Variants in AP2A2 observed in about 807,000 individuals in gnomAD.
AP2A2 encodes adaptor related protein complex 2 subunit alpha 2.
In AP2A2, 32 loss-of-function variants were observed where a neutral mutation model predicts 104.2. That is an observed-to-expected ratio of 0.31 (90% confidence interval 0.23 to 0.41). The LOEUF (loss-of-function observed/expected upper bound fraction) is 0.41, where lower values mean the gene tolerates loss of function less well. Ranked by LOEUF, AP2A2 falls within the 10% of genes least tolerant of loss-of-function variation. The pLI, the probability that AP2A2 is intolerant of heterozygous loss-of-function variation, is 1.00. For missense variants in AP2A2, 912 were observed against 1,261.0 expected (o/e 0.72, Z 4.19); for synonymous variants, 539 against 533.3 (o/e 1.01, Z -0.15).
rs919309819 is a variant in AP2A2, at chr11:1,009,295, G to C, written c.2538-33G>C. 3 of 1,611,466 alleles carry C rather than the reference G, an allele frequency of 1.9e-6. No homozygotes were observed. The African/African-American group carries it at 4.0e-5, about 22-fold the overall frequency. On this transcript the variant is annotated intron_variant, in intron 19 of 21. Transcript: ENST00000448903. ...AAGGTGGGTTTTGGTCTCTGGCCTG[G>C]CTGAGAACACTCGCCTTTGCTGTTT...
At chr11:989,038 A>G (rs1855557911) in intron 10 of AP2A2, among the ~76,000 whole-genome samples, 1 of 152,124 alleles carries the variant, frequency 6.6e-6, no homozygotes, top group Admixed American at 6.5e-5. Context: ...GGTCTTGAAA[A>G]TAACTATTGG....
chr11:986,662 G>A, intron 8 of AP2A2, 123 bp from the exon 9 acceptor site: 1 of 1,206,364 alleles, frequency 8.3e-7, no homozygotes, highest in Non-Finnish European at 1.2e-6. Context: ...GAGCAGTGTG[G>A]TGGCGGTGAG....
chr11:988,716 C>T (rs1334025089), intron 10 of AP2A2, 27 bp downstream of exon 10: 1 of 1,611,928 alleles, frequency 6.2e-7, no homozygotes, highest in Non-Finnish European at 8.5e-7. Context: ...TCTGAGTCCT[C>T]TCCTGCCACA....
At chr11:977,305 T>C in intron 5 of AP2A2, 81 bp downstream of exon 5, 1 of 1,495,974 alleles carries the variant, frequency 6.7e-7, no homozygotes, top group South Asian at 1.3e-5. Flanking sequence ...ATGGTGCGCC[T>C]TCTCGGGATG....
In AP2A2 at chr11:984,580, C is replaced by G; in HGVS notation, c.706-65C>G. 1.4e-5 allele frequency: 19 copies of G among 1,366,216 alleles called. No homozygotes were observed. The South Asian group carries it at 1.6e-4, about 12-fold the overall frequency. 84.6% of individuals were successfully genotyped at this position (1,366,216 alleles called of 1,614,324 possible). ...GACCCGAGGAGTGAGTATGGCTTTT[C>G]TTTGGGTCCCCGCAGTAGGGGCTCG... On this transcript the variant is annotated intron_variant, in intron 6 of 21. Transcript: ENST00000448903.
intron 4 of AP2A2, among the ~76,000 whole-genome samples, chr11:976,168 G>A (rs1226081334): frequency 6.6e-6 from 1 of 152,200 alleles, no homozygotes; most frequent in African/African-American, 2.4e-5. Context: ...GTGTGTGTGC[G>A]GTTGCTGCTC....
intron 14 of AP2A2, chr11:995,381 G>A: frequency 2.2e-6 from 1 of 455,894 alleles, no homozygotes; most frequent in South Asian, 1.5e-5. Flanking sequence ...GCTTGGCTCT[G>A]CTTGCCAGCT....
intron 2 of AP2A2, among the ~76,000 whole-genome samples, chr11:962,210 A>G (rs1471582174): frequency 1.3e-5 from 2 of 152,240 alleles, no homozygotes; most frequent in Non-Finnish European, 2.9e-5. Flanking sequence ...CCTTCACTGA[A>G]TGGGATCTGC....
At chr11:995,224 C>T (rs1007358863) in intron 14 of AP2A2, among the ~76,000 whole-genome samples, 5 of 152,238 alleles carry the variant, frequency 3.3e-5, no homozygotes, top group Admixed American at 2.0e-4. Context: ...GAGGACCTGT[C>T]CTGCCCTGCT....
At chr11:929,859 C>T (rs1196845857) in intron 1 of AP2A2, among the ~76,000 whole-genome samples, 6 of 152,146 alleles carry the variant, frequency 3.9e-5, no homozygotes, top group South Asian at 2.1e-4. Flanking sequence ...CGGTGGCTCA[C>T]GCTTGTAATC....
Position 926,671 on chromosome 11 carries a change from T to C in AP2A2, c.67+583T>C, listed in dbSNP as rs548451229. ...GCTTTGTGACCTGGGTTCTGGAGGC[T>C]TATTAACCCCTGATTAGATCTCACC... On this transcript the variant is annotated intron_variant, in intron 1 of 21. Transcript: ENST00000448903. Among the ~76,000 whole-genome samples, 18 of 152,310 alleles carry C rather than the reference T, an allele frequency of 1.2e-4. No individual in the cohort carries two copies. In the South Asian group the frequency reaches 3.3e-3, roughly 28 times the overall value.
At position 994,020 on chromosome 11, in the gene AP2A2, G is replaced by A. The variant is rs750790874; in HGVS notation, c.1782+35G>A. On this transcript the variant is annotated intron_variant, in intron 13 of 21. Transcript: ENST00000448903. ...CCCCGCCCTTCGGGCTGGCTTGGCT[G>A]AGGGTTGGAGGCCAGGAGCTCTGAC... is the stretch of plus-strand genomic sequence containing the variant. 3 of 1,609,096 alleles carry A rather than the reference G, an allele frequency of 1.9e-6. No homozygotes were observed. The Admixed American group carries it at 5.0e-5, about 27-fold the overall frequency.
rs1165794220 is a variant in AP2A2, at chr11:1,008,125, A to G, written c.2410A>G (p.Ile804Val). ...SDFTEAPVLN[I>V]QFRYGGTFQN... ...CTTCACGGAGGCGCCAGTCCTCAACATTCAGTTCAGGTAAGAGCCGCCTGT... is the reference window on the plus strand; with the variant it reads ...CTTCACGGAGGCGCCAGTCCTCAACGTTCAGTTCAGGTAAGAGCCGCCTGT... Residue 804 changes from isoleucine (I) to valine (V), a missense_variant, in exon 18 of 22, where the codon ATT becomes GTT. By Grantham distance (29) the Ile-to-Val change is conservative. This residue lies in a region of AP2A2 where 239 missense variants were observed against 329.8 expected (regional missense o/e 0.72). Coordinates refer to ENST00000448903, the MANE Select transcript of AP2A2 (RefSeq NM_012305.4). 1 of 1,607,038 alleles carries G rather than the reference A, an allele frequency of 6.2e-7. No individual in the cohort carries two copies. Among genetic ancestry groups the G allele is most frequent in the East Asian group, 2.2e-5 (1 of 44,634 alleles).
intron 1 of AP2A2, among the ~76,000 whole-genome samples, chr11:939,519 A>G (rs1036318840): frequency 1.3e-5 from 2 of 151,438 alleles, no homozygotes; most frequent in African/African-American, 4.9e-5. Flanking sequence ...ATCTCGGCTC[A>G]CTGCAACCTC....
At chr11:1,000,031 C>T (rs948332348) in intron 14 of AP2A2, among the ~76,000 whole-genome samples, 1 of 152,042 alleles carries the variant, frequency 6.6e-6, no homozygotes, top group Non-Finnish European at 1.5e-5. Flanking sequence ...TGGTCTCGAT[C>T]TCCTGACCTC....
At chr11:982,953 G>T (rs370881150) in intron 6 of AP2A2, among the ~76,000 whole-genome samples, 43 of 151,292 alleles carry the variant, frequency 2.8e-4, no homozygotes, top group African/African-American at 9.7e-4. Flanking sequence ...GCCTGGCTGT[G>T]AAACTTTCTA....
intron 1 of AP2A2, among the ~76,000 whole-genome samples, chr11:933,853 T>A (rs1312108667): frequency 6.6e-6 from 1 of 152,174 alleles, no homozygotes; most frequent in African/African-American, 2.4e-5. Context: ...GGAACTTGTA[T>A]CTTCTGTTCA....
At chr11:982,942 C>T (rs1333134164) in intron 6 of AP2A2, among the ~76,000 whole-genome samples, 5 of 151,326 alleles carry the variant, frequency 3.3e-5, no homozygotes, top group Admixed American at 1.3e-4. Flanking sequence ...TGAGCCCCTG[C>T]GCCTGGCTGT....
intron 1 of AP2A2, chr11:942,331 T>C (rs1274864447): frequency 6.6e-6 from 1 of 152,252 alleles, no homozygotes; most frequent in Non-Finnish European, 1.5e-5. Context: ...TCGGCATTTA[T>C]TCCTTGTCTG....
Sources: allele counts gnomAD v4.1 joint callset (sites outside exome capture counted in the v4.1 genomes callset), GRCh38; gene constraint gnomAD v4.1.1; regional missense constraint gnomAD v4.1.1; transcripts MANE v1.5; gene names NCBI Gene and HGNC (gene_info 2026-07-23, HGNC 2026-07-21).